ZNF614: variants seen among roughly 807,000 people sequenced by gnomAD.
ZNF614 encodes the protein zinc finger protein 614.
In ZNF614, 11 loss-of-function variants were observed where a neutral mutation model predicts 12.8. The observed-to-expected ratio is 0.86, with a 90% CI of 0.54 to 1.43. ZNF614 has a LOEUF of 1.43. Ranked by LOEUF, ZNF614 falls within the 40% of genes most tolerant of loss-of-function variation. The probability of loss-of-function intolerance (pLI) is 0.00; values close to 1 mark genes in which losing one functional copy is unlikely to be tolerated. For missense variants in ZNF614, 664 were observed against 708.8 expected, an observed-to-expected ratio of 0.94 and a Z score of 0.72; for synonymous variants, 237 against 237.5, an observed-to-expected ratio of 1.00 and a Z score of 0.02.
intron 2 of ZNF614, among the ~76,000 whole-genome samples, chr19:52,020,329 G>A (rs1044879688): frequency 6.6e-6 from 1 of 152,204 alleles, no homozygotes; most frequent in Non-Finnish European, 1.5e-5. Context: ...ACCCAAGAAA[G>A]TGCTGTGTTT....
chr19:52,018,563 T>A, intron 2 of ZNF614, 69 bp from the exon 3 acceptor site: 10 of 1,475,100 alleles, frequency 6.8e-6, no homozygotes, highest in Non-Finnish European at 9.1e-6. Flanking sequence ...TAAGATAATT[T>A]TTTAAAAATT....
intron 1 of ZNF614, among the ~76,000 whole-genome samples, chr19:52,026,372 T>C (rs2086972565): frequency 6.6e-6 from 1 of 152,224 alleles, no homozygotes; most frequent in South Asian, 2.1e-4. Flanking sequence ...ACATGTGCTG[T>C]GTTGACTCAA....
In ZNF614 at chr19:52,017,300, T is replaced by C; in HGVS notation, c.298A>G (p.Ser100Gly). The change falls in exon 5 of 5, where the codon AGC becomes GGC. Residue 100 changes from serine to glycine, a missense_variant. Coordinates refer to ENST00000270649, the MANE Select transcript of ZNF614 (RefSeq NM_025040.4). ...EHSPNQRLLK[S>G]VQQCNGQNTL... ...TTCTGTCCATTGCATTGCTGCACGC[T>C]CTTCAGAAGTCTTTGGTTTGGAGAG... is the stretch of plus-strand genomic sequence containing the variant. The C allele has an allele frequency of 3.1e-6, 5 of 1,613,084 alleles. No homozygotes were observed. The highest frequency in any genetic ancestry group is 4.2e-6 in the Non-Finnish European group (5 of 1,179,748).
At chr19:52,018,553 T>G in intron 2 of ZNF614, 59 bp from the exon 3 acceptor site, 13 of 1,507,202 alleles carry the variant, frequency 8.6e-6, no homozygotes, top group Non-Finnish European at 1.2e-5. Flanking sequence ...TATAGAAGTA[T>G]AAGATAATTT....
Position 52,015,534 on chromosome 19 carries a change from A to G in ZNF614, c.*306T>C. The G allele has an allele frequency of 4.5e-6, 1 of 223,264 alleles. No individual in the cohort carries two copies. Among genetic ancestry groups the G allele is most frequent in the Non-Finnish European group, 8.8e-6 (1 of 113,124 alleles). The allele number at this position is 223,264 out of a possible 1,614,324, so 13.8% of individuals were successfully genotyped here. Reference sequence around the variant, plus strand: ...CAGAATTTATCTCTGTATACTTTTCAGACATATGAGCAGAAATTATTGCTC... The same window carrying G: ...CAGAATTTATCTCTGTATACTTTTCGGACATATGAGCAGAAATTATTGCTC... On this transcript the variant is annotated 3_prime_UTR_variant, in exon 5 of 5. Coordinates refer to ENST00000270649, the MANE Select transcript of ZNF614 (RefSeq NM_025040.4).
At chr19:52,020,477 C>T (rs1337919080) in intron 2 of ZNF614, among the ~76,000 whole-genome samples, 1 of 152,246 alleles carries the variant, frequency 6.6e-6, no homozygotes, top group Non-Finnish European at 1.5e-5. Flanking sequence ...GGTGGCATTA[C>T]ATCTTCCTGA....
chr19:52,018,211 G>A, intron 3 of ZNF614, 108 bp from the exon 4 acceptor site: 1 of 1,450,744 alleles, frequency 6.9e-7, no homozygotes, highest in Non-Finnish European at 9.6e-7. Context: ...TAAGCATTCT[G>A]TCTTAGAAGA....
chr19:52,020,941 C>A (rs1187859643), intron 2 of ZNF614, among the ~76,000 whole-genome samples: 1 of 152,160 alleles, frequency 6.6e-6, no homozygotes, highest in Non-Finnish European at 1.5e-5. Context: ...CAGTACCATC[C>A]TCCTGAGTAT....
chr19:52,024,305 T>G (rs1262076609), intron 2 of ZNF614, among the ~76,000 whole-genome samples: 1 of 152,150 alleles, frequency 6.6e-6, no homozygotes, highest in East Asian at 1.9e-4. Flanking sequence ...AACTTGTGAG[T>G]AACCTGGGGA....
chr19:52,023,142 C>CTT (rs1380167713), intron 2 of ZNF614, among the ~76,000 whole-genome samples: 1 of 148,980 alleles, frequency 6.7e-6, no homozygotes, highest in Admixed American at 6.7e-5. Flanking sequence ...GAGCGAGACT[C>CTT]TGTCTCAAAA....
At chr19:52,023,659 G>T (rs1280212371) in intron 2 of ZNF614, among the ~76,000 whole-genome samples, 1 of 152,140 alleles carries the variant, frequency 6.6e-6, no homozygotes, top group Non-Finnish European at 1.5e-5. Context: ...AATTCCAAGG[G>T]TTTTAAGCAT....
In ZNF614 at chr19:52,016,973, C is replaced by T; in HGVS notation, c.625G>A (p.Glu209Lys). Residue 209 changes from glutamate (E) to lysine (K), a missense_variant, in exon 5 of 5, where the codon GAA becomes AAA. Glu to Lys is a moderately conservative substitution (Grantham distance 56). Coordinates refer to ENST00000270649, the MANE Select transcript of ZNF614 (RefSeq NM_025040.4). The part of the protein sequence containing the change: ...QKIEKPHACI[E>K]CEQTFLRKSQ... The stretch of plus-strand genomic sequence containing the variant: ...TTCCTAAGGAAGGTTTGCTCACATT[C>T]AATGCATGCATGGGGTTTCTCAATT... 1 of 1,613,868 alleles carries T rather than the reference C, an allele frequency of 6.2e-7. No homozygotes were observed.
Position 52,016,345 on chromosome 19 carries a change from T to C in ZNF614, c.1253A>G (p.Gln418Arg), listed in dbSNP as rs547556860. 1.9e-6 allele frequency: 3 copies of C among 1,610,616 alleles called. No individual in the cohort carries two copies. Among genetic ancestry groups the C allele is most frequent in the Non-Finnish European group, 2.5e-6 (3 of 1,177,550 alleles). ...AGATTTCTCTCCTGTATGAGTTCGC[T>C]GATGTATAACGAGAGTGCGTTTGAC... ...FTVKRTLVIH[Q>R]RTHTGEKSYI... The change falls in exon 5 of 5, where the codon CAG becomes CGG. Residue 418 changes from glutamine to arginine, a missense_variant. Physicochemically the swap from Gln to Arg is conservative, Grantham distance 43. Coordinates refer to ENST00000270649, the MANE Select transcript of ZNF614 (RefSeq NM_025040.4).
At position 52,018,412 on chromosome 19, in the gene ZNF614, T is replaced by G; in HGVS notation, c.98A>C (p.Tyr33Ser). 1 of 1,614,140 alleles carries G rather than the reference T, an allele frequency of 6.2e-7. No individual in the cohort carries two copies. The highest frequency in any genetic ancestry group is 8.5e-7 in the Non-Finnish European group (1 of 1,180,016). ...QLLDTAQKNL[Y>S]RDVMVENYNH... Reference sequence around the variant, plus strand: ...ATAGTTCTCCACCATCACATCCCGGTACAGGTTCTTCTGAGCAGTGTCCAG... The same window carrying G: ...ATAGTTCTCCACCATCACATCCCGGGACAGGTTCTTCTGAGCAGTGTCCAG... The change falls in exon 3 of 5, where the codon TAC becomes TCC. Residue 33 changes from tyrosine (Y) to serine (S), a missense_variant. Tyr to Ser is a moderately radical substitution (Grantham distance 144). Coordinates refer to ENST00000270649, the MANE Select transcript of ZNF614 (RefSeq NM_025040.4).
In ZNF614 at chr19:52,016,162, C is replaced by T. The variant is rs2086895247; in HGVS notation, c.1436G>A (p.Gly479Glu). The T allele has an allele frequency of 6.2e-7, 1 of 1,614,174 alleles. No individual in the cohort carries two copies. The highest frequency in any genetic ancestry group is 1.7e-5 in the Admixed American group (1 of 60,022). Reference sequence around the variant, plus strand: ...CTCGGTACATACAAAGGGAGTCTTTCCTGTATGACATCTCTCATGTTGTAT... The same window carrying T: ...CTCGGTACATACAAAGGGAGTCTTTTCTGTATGACATCTCTCATGTTGTAT... ...CLIQHERCHT[G>E]KTPFVCTECG... The change falls in exon 5 of 5, where the codon GGA becomes GAA. Residue 479 changes from glycine (G) to glutamate (E), a missense_variant. By Grantham distance (98) the Gly-to-Glu change is moderately conservative. Coordinates refer to ENST00000270649, the MANE Select transcript of ZNF614 (RefSeq NM_025040.4).
chr19:52,025,891 C>A lies in ZNF614; in HGVS notation c.-146G>T. 1 of 790,888 alleles carries A rather than the reference C, an allele frequency of 1.3e-6. No individual in the cohort carries two copies. The highest frequency in any genetic ancestry group is 2.6e-5 in the East Asian group (1 of 38,524). The allele number at this position is 790,888 out of a possible 1,614,324, so 49.0% of individuals were successfully genotyped here. A position where few individuals can be genotyped will look rare whatever the true frequency, so the allele number is the denominator to read the frequency against. Reference sequence around the variant, plus strand: ...CCCCAGAAATTATGATATCCAAGGCCAGCAACCTCCTTCTTCTTCCTTCAT... The same window carrying A: ...CCCCAGAAATTATGATATCCAAGGCAAGCAACCTCCTTCTTCTTCCTTCAT... On this transcript the variant is annotated 5_prime_UTR_variant, in exon 2 of 5. Transcript: ENST00000270649.
At chr19:52,018,713 A>T (rs1396478792) in intron 2 of ZNF614, among the ~76,000 whole-genome samples, 1 of 152,204 alleles carries the variant, frequency 6.6e-6, no homozygotes, top group Non-Finnish European at 1.5e-5. Context: ...ACATCCCTAC[A>T]TTACCAATGA....
At chr19:52,026,624 C>T (rs988670884) in intron 1 of ZNF614, among the ~76,000 whole-genome samples, 11 of 152,190 alleles carry the variant, frequency 7.2e-5, no homozygotes, top group African/African-American at 2.7e-4. Flanking sequence ...TACCCCGACA[C>T]CTGTAAAGGG....
At chr19:52,026,440 A>G (rs2086973405) in intron 1 of ZNF614, among the ~76,000 whole-genome samples, 1 of 152,238 alleles carries the variant, frequency 6.6e-6, no homozygotes, top group Non-Finnish European at 1.5e-5. Context: ...GCTTGAAGGC[A>G]GTATGCTTGG....
Sources: allele counts gnomAD v4.1 joint callset (sites outside exome capture counted in the v4.1 genomes callset), GRCh38; gene constraint gnomAD v4.1.1; transcripts MANE v1.5; gene names NCBI Gene and HGNC (gene_info 2026-07-23, HGNC 2026-07-21).